Variants in DGLUCY observed in about 807,000 individuals in gnomAD.
The protein encoded by DGLUCY is D-glutamate cyclase, also known as D-glutamate cyclase, mitochondrial.
A neutral mutation model predicts 58.5 loss-of-function variants in DGLUCY; 58 were observed. The ratio of observed to expected loss-of-function variants is 0.99; its 90% CI spans 0.80 to 1.23. The LOEUF (loss-of-function observed/expected upper bound fraction) is 1.23. DGLUCY is among the 50% of genes most tolerant of loss of function. The pLI is 0.00. For synonymous variants in DGLUCY, 325 were observed against 314.1 expected, an observed-to-expected ratio of 1.03 and a Z score of -0.37; for missense variants, 779 against 784.7, an observed-to-expected ratio of 0.99 and a Z score of 0.09.
Position 91,169,990 on chromosome 14 carries a change from C to A in DGLUCY, c.258-13C>A. Reference sequence around the variant, plus strand: ...AGTCTGGGGCCCTCCCAGCTTTCCCCTTATGTCCCCAGGATGGGCCATCCC... The same window carrying A: ...AGTCTGGGGCCCTCCCAGCTTTCCCATTATGTCCCCAGGATGGGCCATCCC... On this transcript the variant is annotated splice_polypyrimidine_tract_variant and intron_variant, in intron 4 of 13. Coordinates refer to ENST00000256324, the MANE Select transcript of DGLUCY (RefSeq NM_001102368.3). 6.2e-7 allele frequency: 1 copy of A among 1,611,648 alleles called. No individual in the cohort carries two copies. Among genetic ancestry groups the A allele is most frequent in the East Asian group, 2.2e-5 (1 of 44,862 alleles).
chr14:91,102,743 ATGTGTGTGTGTGTGTG>A (rs548653144), intron 1 of DGLUCY, among the ~76,000 whole-genome samples: 7 of 130,586 alleles, frequency 5.4e-5, no homozygotes, highest in African/African-American at 1.4e-4. Context: ...TCCAGTGTGT[ATGTGTGTGTGTGTGTG>A]TGTGTGTGTG....
intron 12 of DGLUCY, among the ~76,000 whole-genome samples, chr14:91,205,754 C>CTCTTCTTCTTCTTCT (rs34299453): frequency 0.015 from 1,944 of 129,784 alleles, 80 homozygotes; most frequent in African/African-American, 0.044. Context: ...CCAGGGCATT[C>CTCTTCTTCTTCTTCT]TCTTCTTCTT....
At chr14:91,181,099 C>A (rs1283081155) in intron 7 of DGLUCY, 87 bp from the exon 8 acceptor site, 7 of 1,289,980 alleles carry the variant, frequency 5.4e-6, no homozygotes, top group Non-Finnish European at 6.6e-6. Flanking sequence ...GGCCAGGTGC[C>A]ATCTTGCCTA....
chr14:91,116,190 T>C (rs2044930964), intron 1 of DGLUCY, among the ~76,000 whole-genome samples: 1 of 152,218 alleles, frequency 6.6e-6, no homozygotes, highest in African/African-American at 2.4e-5. Flanking sequence ...AAAAAAAGTT[T>C]ATTTTCTTAT....
chr14:91,184,226 G>T (rs867465845), intron 8 of DGLUCY, among the ~76,000 whole-genome samples: 4 of 151,962 alleles, frequency 2.6e-5, no homozygotes, highest in African/African-American at 9.7e-5. Context: ...AAACAGACAG[G>T]CTGGGACCTT....
chr14:91,071,363 G>A (rs1239449268), intron 1 of DGLUCY, among the ~76,000 whole-genome samples: 1 of 143,664 alleles, frequency 7.0e-6, no homozygotes, highest in African/African-American at 2.6e-5. Flanking sequence ...GAAGTCTAAA[G>A]GCTGTTGGCA....
intron 1 of DGLUCY, among the ~76,000 whole-genome samples, chr14:91,100,656 G>T (rs1478118949): frequency 6.6e-6 from 1 of 152,202 alleles, no homozygotes; most frequent in Non-Finnish European, 1.5e-5. Context: ...GTAATAAGGT[G>T]TGGTCCCCAG....
intron 13 of DGLUCY, among the ~76,000 whole-genome samples, chr14:91,221,601 T>C (rs1004590254): frequency 6.6e-6 from 1 of 151,896 alleles, no homozygotes; most frequent in Admixed American, 6.6e-5. Flanking sequence ...GATGCATGCA[T>C]GGATGGATGG....
intron 1 of DGLUCY, among the ~76,000 whole-genome samples, chr14:91,157,372 TCAAA>T (rs1393168874): frequency 1.3e-5 from 2 of 152,202 alleles, no homozygotes; most frequent in African/African-American, 4.8e-5. Context: ...TAAATAGTGA[TCAAA>T]CAAACATGAA....
chr14:91,225,087 C>T lies in DGLUCY; in HGVS notation c.*254C>T, dbSNP rs957389832. The T allele has an allele frequency of 5.9e-6, 2 of 337,530 alleles. No homozygotes were observed. The highest frequency in any genetic ancestry group is 4.2e-5 in the African/African-American group (2 of 47,206). 20.9% of individuals were successfully genotyped at this position (337,530 alleles called of 1,614,324 possible). A position where few individuals can be genotyped will look rare whatever the true frequency, so the allele number is the denominator to read the frequency against. On this transcript the variant is annotated 3_prime_UTR_variant, in exon 14 of 14. Transcript: ENST00000256324. ...CTCTAAAGGCGTTGATTTCAACCCTCCTTCACTCTGGCTTCTTCAGGCAAC... is the reference window on the plus strand; with the variant it reads ...CTCTAAAGGCGTTGATTTCAACCCTTCTTCACTCTGGCTTCTTCAGGCAAC...
intron 1 of DGLUCY, among the ~76,000 whole-genome samples, chr14:91,072,918 A>C (rs1385157881): frequency 6.6e-6 from 1 of 152,158 alleles, no homozygotes; most frequent in African/African-American, 2.4e-5. Flanking sequence ...CTGAGGCATG[A>C]GAATGGCATG....
At chr14:91,175,138 C>T (rs2048787872) in intron 6 of DGLUCY, among the ~76,000 whole-genome samples, 2 of 152,104 alleles carry the variant, frequency 1.3e-5, no homozygotes, top group Non-Finnish European at 2.9e-5. Flanking sequence ...CTAATCTGGG[C>T]TGCTATTCTT....
intron 4 of DGLUCY, chr14:91,167,647 G>A: frequency 2.8e-6 from 2 of 705,644 alleles, no homozygotes. Flanking sequence ...TCTGCCATCT[G>A]TCCACTCCAT....
At chr14:91,099,434 G>A (rs534894326) in intron 1 of DGLUCY, among the ~76,000 whole-genome samples, 79 of 151,786 alleles carry the variant, frequency 5.2e-4, no homozygotes, top group African/African-American at 1.7e-3. Flanking sequence ...TGGAGAGGCC[G>A]AAGTGGGAGG....
chr14:91,175,413 A>T (rs1306034137), intron 6 of DGLUCY, among the ~76,000 whole-genome samples: 1 of 152,196 alleles, frequency 6.6e-6, no homozygotes, highest in Non-Finnish European at 1.5e-5. Context: ...GTGAAAATGC[A>T]GTCAGTACTT....
In DGLUCY at chr14:91,135,574, T is replaced by C. The variant is rs548698087; in HGVS notation, c.-82+21291T>C. On this transcript the variant is annotated intron_variant, in intron 1 of 13. Coordinates refer to ENST00000256324, the MANE Select transcript of DGLUCY (RefSeq NM_001102368.3). Reference sequence around the variant, plus strand: ...CTGAGGCAGGAGAATCACTTGAACCTGGGAGGCAGAGGTTGCAGCGAGCCG... The same window carrying C: ...CTGAGGCAGGAGAATCACTTGAACCCGGGAGGCAGAGGTTGCAGCGAGCCG... Among the ~76,000 whole-genome samples, 415 of 143,904 alleles carry C rather than the reference T, an allele frequency of 2.9e-3. 2 individuals are homozygous for C. The highest frequency in any genetic ancestry group is 8.5e-3 in the African/African-American group (330 of 38,760). The allele number at this position is 143,904 out of a possible 152,430, so 94.4% of individuals were successfully genotyped here.
At chr14:91,190,953 G>A (rs1019927796) in intron 9 of DGLUCY, among the ~76,000 whole-genome samples, 1 of 152,150 alleles carries the variant, frequency 6.6e-6, no homozygotes, top group African/African-American at 2.4e-5. Context: ...TGGAGTGGGG[G>A]TGCCTCATGG....
intron 1 of DGLUCY, among the ~76,000 whole-genome samples, chr14:91,066,780 T>C (rs2043828792): frequency 6.6e-6 from 1 of 152,128 alleles, no homozygotes; most frequent in South Asian, 2.1e-4. Context: ...ATACTTTCCT[T>C]GCTAGAAAGA....
chr14:91,216,707 T>G (rs11629018), intron 13 of DGLUCY, among the ~76,000 whole-genome samples: 5,913 of 151,000 alleles, frequency 0.039, 161 homozygotes, highest in South Asian at 0.11. Context: ...CCAAGGACAC[T>G]GTGACTTTCT....
Sources: gnomAD v4.1 joint callset for allele counts (sites outside exome capture counted in the v4.1 genomes callset) on GRCh38, gnomAD v4.1.1 for gene constraint, MANE v1.5 for transcripts, NCBI Gene and HGNC (gene_info 2026-07-23, HGNC 2026-07-21) for gene names.